The following CSMD3 variants were observed in gnomAD, a reference collection of about 807,000 sequenced individuals.
CSMD3 encodes CUB and Sushi multiple domains 3.
A neutral mutation model predicts 435.2 loss-of-function variants in CSMD3; 177 were observed. The observed-to-expected ratio is 0.41, with a 90% CI of 0.36 to 0.46. CSMD3 has a LOEUF of 0.46. Ranked by LOEUF, CSMD3 falls within the 20% of genes least tolerant of loss-of-function variation. CSMD3 has a pLI of 0.34. For synonymous variants in CSMD3, 1,656 were observed against 1,520.5 expected (o/e 1.09, Z -2.07); for missense variants, 4,265 against 4,504.6 (o/e 0.95, Z 1.52).
intron 4 of CSMD3, among the ~76,000 whole-genome samples, chr8:113,116,007 A>G (rs954965532): frequency 1.3e-5 from 2 of 152,216 alleles, no homozygotes; most frequent in Non-Finnish European, 2.9e-5. Context: ...GTCCTTCACC[A>G]GACACTGTAT....
At chr8:112,438,667 C>T (rs1201406023) in intron 32 of CSMD3, among the ~76,000 whole-genome samples, 1 of 151,998 alleles carries the variant, frequency 6.6e-6, no homozygotes, top group African/African-American at 2.4e-5. Flanking sequence ...TCAAAGAGAA[C>T]CTCTAATTTT....
At chr8:113,425,303 T>TATATAAAA (rs2094629765) in intron 1 of CSMD3, among the ~76,000 whole-genome samples, 2 of 151,482 alleles carry the variant, frequency 1.3e-5, no homozygotes, top group Non-Finnish European at 1.5e-5. Flanking sequence ...TATAAAAAAT[T>TATATAAAA]AATTTGATAT....
At chr8:113,219,861 G>A (rs72687658) in intron 3 of CSMD3, among the ~76,000 whole-genome samples, 18,762 of 151,328 alleles carry the variant, frequency 0.12, 1,999 homozygotes, top group African/African-American at 0.29. Flanking sequence ...TGACAGTCTG[G>A]AAAAATGTTT....
Position 113,141,290 on chromosome 8 carries a change from AAACAG to A in CSMD3, c.709+32427_709+32431del, listed in dbSNP as rs529092383. On this transcript the variant is annotated intron_variant, in intron 4 of 70. Transcript: ENST00000297405. Reference sequence around the variant, plus strand: ...CAATTATACATAATATCTTCCAAAAAAACAGAACAGGAGAGATTTCATGACTGATT... The same window carrying A: ...CAATTATACATAATATCTTCCAAAAAAACAGGAGAGATTTCATGACTGATT... Among the ~76,000 whole-genome samples the A allele has an allele frequency of 9.3e-4, 141 of 151,046 alleles. 1 individual carries two copies. Among genetic ancestry groups the A allele is most frequent in the South Asian group, 8.7e-3 (42 of 4,826 alleles).
chr8:113,011,081 T>C (rs1483209919), intron 6 of CSMD3, among the ~76,000 whole-genome samples: 1 of 151,694 alleles, frequency 6.6e-6, no homozygotes, highest in Non-Finnish European at 1.5e-5. Flanking sequence ...TGATGTCCTC[T>C]AATAATTCTG....
At chr8:112,425,853 T>C (rs1203460265) in intron 32 of CSMD3, among the ~76,000 whole-genome samples, 1 of 152,042 alleles carries the variant, frequency 6.6e-6, no homozygotes, top group Non-Finnish European at 1.5e-5. Flanking sequence ...AGAAAACAAA[T>C]ATTAAAGTAC....
intron 2 of CSMD3, among the ~76,000 whole-genome samples, chr8:113,280,513 C>G (rs1284412378): frequency 6.6e-6 from 1 of 151,778 alleles, no homozygotes; most frequent in Non-Finnish European, 1.5e-5. Flanking sequence ...TGTAATATCT[C>G]CTGTTTCATT....
At chr8:112,247,608 G>C (rs1814863111) in intron 63 of CSMD3, among the ~76,000 whole-genome samples, 1 of 152,112 alleles carries the variant, frequency 6.6e-6, no homozygotes, top group African/African-American at 2.4e-5. Flanking sequence ...AGGTGGTGGT[G>C]ATAACGGAAA....
At chr8:112,631,059 G>A (rs10505172) in intron 22 of CSMD3, among the ~76,000 whole-genome samples, 36,245 of 150,822 alleles carry the variant, frequency 0.24, 4,663 homozygotes, top group African/African-American at 0.33. Flanking sequence ...TTTAATAAAT[G>A]GAGCCCAGGA....
At chr8:113,339,669 A>G (rs1201374284) in intron 1 of CSMD3, among the ~76,000 whole-genome samples, 3 of 151,930 alleles carry the variant, frequency 2.0e-5, no homozygotes, top group African/African-American at 7.2e-5. Context: ...TTGTTATTAG[A>G]TCTACTATTT....
At chr8:112,290,015 A>G (rs747616393) in intron 56 of CSMD3, among the ~76,000 whole-genome samples, 11 of 152,128 alleles carry the variant, frequency 7.2e-5, no homozygotes, top group Admixed American at 1.3e-4. Flanking sequence ...AAGAGATTCA[A>G]TGAAGATTGA....
intron 3 of CSMD3, among the ~76,000 whole-genome samples, chr8:113,209,836 T>C (rs1407582023): frequency 6.6e-6 from 1 of 152,106 alleles, no homozygotes; most frequent in Non-Finnish European, 1.5e-5. Context: ...TACAGAATAT[T>C]AAGTTTAGCT....
chr8:112,306,135 T>C lies in CSMD3; in HGVS notation c.7943A>G (p.Tyr2648Cys). The C allele has an allele frequency of 6.2e-7, 1 of 1,613,388 alleles. No individual in the cohort carries two copies. The change falls in exon 51 of 71, where the codon TAT becomes TGT. Residue 2648 changes from tyrosine to cysteine, a missense_variant. Transcript: ENST00000297405. ...ATAGGTAACTCGCGTTCCTACCAAA[T>C]AGTCTGTTGTTAGTATTCCTCCATT... ...PTNGGILTTD[Y>C]LVGTRVTYFC...
chr8:112,329,031 T>C (rs1159401941), intron 45 of CSMD3, among the ~76,000 whole-genome samples: 1 of 152,224 alleles, frequency 6.6e-6, no homozygotes, highest in Non-Finnish European at 1.5e-5. Flanking sequence ...ACTACTGGGA[T>C]ATCTGCTGCA....
At chr8:113,101,028 G>GA in intron 4 of CSMD3, among the ~76,000 whole-genome samples, 1 of 152,168 alleles carries the variant, frequency 6.6e-6, no homozygotes, top group East Asian at 1.9e-4. Flanking sequence ...TTACAAGTAG[G>GA]AAGGATCAGA....
intron 28 of CSMD3, among the ~76,000 whole-genome samples, chr8:112,508,949 T>C (rs563798787): frequency 2.6e-5 from 4 of 152,340 alleles, no homozygotes; most frequent in African/African-American, 9.6e-5. Context: ...ATGTTTCTTA[T>C]GTTGTTTCTC....
chr8:112,593,401 G>C (rs1362255337), intron 22 of CSMD3, among the ~76,000 whole-genome samples: 1 of 152,138 alleles, frequency 6.6e-6, no homozygotes. Context: ...TTAGAACTTG[G>C]AGACAAGTTC....
rs76914725 is a variant in CSMD3 at position 113,381,990 on chromosome 8, A to G, written c.178+54687T>C. ...AAAAATTAATGTTTAATATCTAATT[A>G]CAGTTAATTGAACAAAATTTGTTTA... On this transcript the variant is annotated intron_variant, in intron 1 of 70. Coordinates refer to ENST00000297405, the MANE Select transcript of CSMD3 (RefSeq NM_198123.2). Among the ~76,000 whole-genome samples, 1,109 of 152,278 alleles carry G rather than the reference A, an allele frequency of 7.3e-3. 14 individuals are homozygous for G. Among genetic ancestry groups the G allele is most frequent in the African/African-American group, 0.025 (1,037 of 41,562 alleles).
chr8:113,430,357 G>A (rs189597103), intron 1 of CSMD3, among the ~76,000 whole-genome samples: 1 of 148,464 alleles, frequency 6.7e-6, no homozygotes, highest in East Asian at 2.1e-4. Flanking sequence ...ATAAACCCCC[G>A]ATATTGTCAT....
Sources: allele counts gnomAD v4.1 joint callset (sites outside exome capture counted in the v4.1 genomes callset), GRCh38; gene constraint gnomAD v4.1.1; transcripts MANE v1.5; gene names NCBI Gene and HGNC (gene_info 2026-07-23, HGNC 2026-07-21).